EYS: variants seen among roughly 807,000 people sequenced by gnomAD.
EYS encodes the protein EGF-like photoreceptor maintenance factor.
A neutral mutation model predicts 282.1 loss-of-function variants in EYS; 250 were observed. The observed-to-expected ratio is 0.89, with a 90% CI of 0.80 to 0.98. The LOEUF is 0.98. Among genes scored for constraint, EYS ranks in the 50% least tolerant of loss-of-function variants. EYS has a pLI of 0.00. For missense variants in EYS, 4,016 were observed against 3,709.0 expected, an observed-to-expected ratio of 1.08 and a Z score of -2.15; for synonymous variants, 1,355 against 1,282.9, an observed-to-expected ratio of 1.06 and a Z score of -1.20.
At position 64,326,360 on chromosome 6, in the gene EYS, C is replaced by T. The variant is rs549581426; in HGVS notation, c.6079-19278G>A. Among the ~76,000 whole-genome samples the T allele has an allele frequency of 7.2e-5, 11 of 152,076 alleles. 1 individual carries two copies. Among genetic ancestry groups the T allele is most frequent in the Non-Finnish European group, 1.3e-4 (9 of 67,972 alleles). ...CTAGCATGCCTGCAGGGTCACAAGA[C>T]CAATAAGTTTAGGTCGCAAGACATG... On this transcript the variant is annotated intron_variant, in intron 29 of 42. Transcript: ENST00000503581.
intron 31 of EYS, among the ~76,000 whole-genome samples, chr6:64,112,734 TTATA>T (rs1047029858): frequency 6.0e-5 from 9 of 149,520 alleles, no homozygotes; most frequent in African/African-American, 2.2e-4. Flanking sequence ...TTAATTTTTA[TTATA>T]TATATCTTCT....
chr6:65,416,699 T>C (rs1301692834), intron 5 of EYS, among the ~76,000 whole-genome samples: 4 of 152,028 alleles, frequency 2.6e-5, no homozygotes. Context: ...GAAGCAATTC[T>C]GTGTAAAATA....
intron 5 of EYS, among the ~76,000 whole-genome samples, chr6:65,427,849 A>G (rs1287122713): frequency 1.3e-5 from 2 of 152,104 alleles, no homozygotes; most frequent in African/African-American, 4.8e-5. Context: ...AAGGAGAGAA[A>G]GCAGGAGATT....
At chr6:65,190,206 A>T (rs1412947142) in intron 12 of EYS, among the ~76,000 whole-genome samples, 1 of 150,096 alleles carries the variant, frequency 6.7e-6, no homozygotes, top group East Asian at 2.0e-4. Flanking sequence ...TGTGTATAAA[A>T]CATAAAATAT....
intron 30 of EYS, among the ~76,000 whole-genome samples, chr6:64,288,968 G>T (rs1430909198): frequency 6.6e-6 from 1 of 151,872 alleles, no homozygotes; most frequent in Non-Finnish European, 1.5e-5. Context: ...CCTCCTATCT[G>T]GTTTTCCTAA....
intron 1 of EYS, among the ~76,000 whole-genome samples, chr6:65,660,220 T>C (rs1458365081): frequency 6.6e-6 from 1 of 151,796 alleles, no homozygotes. Context: ...AATTAGGGAA[T>C]AAATACTATT....
At chr6:64,085,317 C>T (rs182099925) in intron 31 of EYS, among the ~76,000 whole-genome samples, 5 of 136,032 alleles carry the variant, frequency 3.7e-5, no homozygotes, top group Non-Finnish European at 7.6e-5. Flanking sequence ...CTTCCAGACG[C>T]GCGCGCGTGC....
At chr6:63,939,205 G>C (rs1461250894) in intron 35 of EYS, among the ~76,000 whole-genome samples, 13 of 151,496 alleles carry the variant, frequency 8.6e-5, no homozygotes, top group Admixed American at 8.6e-4. Context: ...GCCTTTTCAA[G>C]CTCAGTATCT....
intron 12 of EYS, among the ~76,000 whole-genome samples, chr6:65,070,015 G>A (rs1268422778): frequency 1.3e-5 from 2 of 151,814 alleles, no homozygotes; most frequent in Non-Finnish European, 2.9e-5. Context: ...AAACTCAAGT[G>A]ATACACACGT....
intron 29 of EYS, among the ~76,000 whole-genome samples, chr6:64,334,164 GCTGTTCCCAACATTAAAT>G (rs928838516): frequency 1.3e-5 from 2 of 151,954 alleles, no homozygotes; most frequent in Non-Finnish European, 2.9e-5. Context: ...ATCCTTTTTT[GCTGTTCCCAACATTAAAT>G]CAATCATAGT....
rs1170529747 is a variant in EYS at position 64,822,685 on chromosome 6, T to C, written c.3130A>G (p.Asn1044Asp). 2 of 1,545,858 alleles carry C rather than the reference T, an allele frequency of 1.3e-6. No homozygotes were observed. Among genetic ancestry groups the C allele is most frequent in the Non-Finnish European group, 1.7e-6 (2 of 1,144,892 alleles). Residue 1044 changes from asparagine to aspartate, a missense_variant, in exon 20 of 43, where the codon AAT (asparagine) becomes GAT (aspartate). Physicochemically the swap from Asn to Asp is conservative, Grantham distance 23. Coordinates refer to ENST00000503581, the MANE Select transcript of EYS (RefSeq NM_001142800.2). ...AGACAAGGATTTGAAAGGCAATCAT[T>C]GGCGTTTGTTTCACAGTGTGTTCCA... ...FFGTHCETNA[N>D]DCLSNPCLHG...
chr6:65,152,131 T>C (rs1410165996), intron 12 of EYS, among the ~76,000 whole-genome samples: 1 of 152,000 alleles, frequency 6.6e-6, no homozygotes, highest in Non-Finnish European at 1.5e-5. Flanking sequence ...CATTGCCTCA[T>C]GTCACCATCA....
chr6:65,033,690 C>T (rs955685407), intron 13 of EYS, among the ~76,000 whole-genome samples: 1 of 152,162 alleles, frequency 6.6e-6, no homozygotes, highest in Non-Finnish European at 1.5e-5. Context: ...ATGAGAAAGC[C>T]TGGGTGCTCA....
Position 64,591,516 on chromosome 6 carries a change from T to C in EYS, c.4351A>G (p.Ile1451Val), listed in dbSNP as rs1562080196. The change falls in exon 26 of 43, where the codon ATA becomes GTA. Residue 1451 changes from isoleucine to valine, a missense_variant. Transcript: ENST00000503581. ...QSLLSRGFLL[I>V]AASISATPVV... Reference sequence around the variant, plus strand: ...GGAGTTGCACTTATGGAGGCAGCTATAAGCAGGAATCCACGGGAGAGTAAT... The same window carrying C: ...GGAGTTGCACTTATGGAGGCAGCTACAAGCAGGAATCCACGGGAGAGTAAT... 1.3e-6 allele frequency: 2 copies of C among 1,551,024 alleles called. No homozygotes were observed. Among genetic ancestry groups the C allele is most frequent in the Non-Finnish European group, 8.7e-7 (1 of 1,146,484 alleles).
At chr6:64,235,012 G>C (rs914060926) in intron 30 of EYS, among the ~76,000 whole-genome samples, 2 of 150,936 alleles carry the variant, frequency 1.3e-5, no homozygotes, top group African/African-American at 4.9e-5. Context: ...CGAGTAGCTG[G>C]GATTACAGGC....
At chr6:63,864,057 TGAAAA>T in intron 36 of EYS, 124 bp downstream of exon 36, 1 of 916,294 alleles carries the variant, frequency 1.1e-6, no homozygotes, top group East Asian at 2.9e-5. Context: ...TCAACTAACT[TGAAAA>T]GAACCCAGAA....
intron 2 of EYS, among the ~76,000 whole-genome samples, chr6:65,542,092 T>C (rs16896824): frequency 0.14 from 20,560 of 152,196 alleles, 1,462 homozygotes; most frequent in South Asian, 0.19. Context: ...TGCAAATATT[T>C]AACTTCATTT....
In EYS at chr6:63,984,462, G is replaced by A. The variant is rs1060499783; in HGVS notation, c.6976C>T (p.Arg2326Ter). The change falls in exon 35 of 43, where the codon CGA (arginine) becomes TGA (stop). Residue 2326 changes from arginine to a stop codon, truncating the protein, a stop_gained. Transcript: ENST00000503581. LOFTEE classifies it high-confidence loss of function. ...NKEFFIIDEA[R>*]HGKNIENCHV... is the part of the protein sequence containing the mutation. Reference sequence around the variant, plus strand: ...CAGTTCTCAATATTCTTTCCATGTCGTGCTTCATCGATGATGAAGAATTCT... The same window carrying A: ...CAGTTCTCAATATTCTTTCCATGTCATGCTTCATCGATGATGAAGAATTCT... 8.4e-6 allele frequency: 13 copies of A among 1,549,312 alleles called. No homozygotes were observed. Among genetic ancestry groups the A allele is most frequent in the South Asian group, 7.1e-5 (6 of 84,038 alleles).
At chr6:63,906,411 A>G (rs958804186) in intron 35 of EYS, among the ~76,000 whole-genome samples, 7 of 152,080 alleles carry the variant, frequency 4.6e-5, no homozygotes. Flanking sequence ...ATTTGGCTTG[A>G]TTTTCTTTAT....
Sources: gnomAD v4.1 joint callset for allele counts (sites outside exome capture counted in the v4.1 genomes callset) on GRCh38, gnomAD v4.1.1 for gene constraint, MANE v1.5 for transcripts, NCBI Gene and HGNC (gene_info 2026-07-23, HGNC 2026-07-21) for gene names.